The following RCOR1 variants were observed in gnomAD, a reference collection of about 807,000 sequenced individuals.
RCOR1 encodes REST corepressor.
RCOR1 carries 12 observed loss-of-function variants against 64.0 expected under a neutral mutation model. That is an observed-to-expected ratio of 0.19 (90% CI 0.12 to 0.30). The LOEUF is 0.30. RCOR1 is among the 10% of genes least tolerant of loss of function. RCOR1 has a pLI of 1.00. For synonymous variants in RCOR1, 279 were observed against 227.2 expected (o/e 1.23, Z -2.05); for missense variants, 502 against 621.2 (o/e 0.81, Z 2.04).
chr14:102,661,660 C>CG (rs1292114598), intron 2 of RCOR1, among the ~76,000 whole-genome samples: 1 of 152,184 alleles, frequency 6.6e-6, no homozygotes, highest in African/African-American at 2.4e-5. Flanking sequence ...CAGCGCAGGA[C>CG]GGGCATTTCT....
Position 102,726,477 on chromosome 14 carries a change from C to G in RCOR1, c.1429C>G (p.Leu477Val). 1 of 1,562,658 alleles carries G rather than the reference C, an allele frequency of 6.4e-7. No homozygotes were observed. Among genetic ancestry groups the G allele is most frequent in the African/African-American group, 1.4e-5 (1 of 69,700 alleles). The change falls in exon 12 of 12, where the codon CTG (leucine) becomes GTG (valine). Residue 477 changes from leucine (L) to valine (V), a missense_variant. Leu to Val is a conservative substitution (Grantham distance 32). This residue lies in a region of RCOR1 where 260 missense variants were observed against 416.4 expected (regional missense o/e 0.62). Coordinates refer to ENST00000262241, the MANE Select transcript of RCOR1 (RefSeq NM_015156.4). ...TTCCTCTTGGCCTCAGGCTCCTGTT[C>G]TGGATGTCAGATATGCATCTGCCTC... ...MPEEEDEAPVLDVRYASAS is the reference protein window; with the variant it reads ...MPEEEDEAPVVDVRYASAS
At position 102,729,228 on chromosome 14, in the gene RCOR1, A is replaced by G. The variant is rs1215824589; in HGVS notation, c.*2722A>G. The G allele has an allele frequency of 1.3e-5, 2 of 152,686 alleles. No individual in the cohort carries two copies. The highest frequency in any genetic ancestry group is 2.9e-5 in the Non-Finnish European group (2 of 68,036). The allele number at this position is 152,686 out of a possible 1,614,324, so 9.5% of individuals were successfully genotyped here. A position where few individuals can be genotyped will look rare whatever the true frequency, so the allele number is the denominator to read the frequency against. ...CTAAAAGATATAAATTGTATTGCAT[A>G]TGCATTAAAAGTTTGTTTTATTTAA... On this transcript the variant is annotated 3_prime_UTR_variant, in exon 12 of 12. Transcript: ENST00000262241.
At chr14:102,613,585 A>G (rs1893682595) in intron 2 of RCOR1, among the ~76,000 whole-genome samples, 2 of 151,676 alleles carry the variant, frequency 1.3e-5, no homozygotes. Flanking sequence ...GGCGCCCGCC[A>G]CTGCGCCCGG....
intron 3 of RCOR1, among the ~76,000 whole-genome samples, chr14:102,693,288 C>G (rs1434299323): frequency 6.6e-6 from 1 of 152,120 alleles, no homozygotes; most frequent in Non-Finnish European, 1.5e-5. Context: ...GTCAGACATG[C>G]GGGTTCCATA....
chr14:102,719,603 T>G (rs1045620331), intron 8 of RCOR1, among the ~76,000 whole-genome samples: 1 of 151,718 alleles, frequency 6.6e-6, no homozygotes. Context: ...GGCTGCATAG[T>G]ATTCCATGGT....
At chr14:102,675,237 A>G (rs974533508) in intron 2 of RCOR1, among the ~76,000 whole-genome samples, 1 of 152,114 alleles carries the variant, frequency 6.6e-6, no homozygotes, top group Non-Finnish European at 1.5e-5. Context: ...GTGTTAAGAC[A>G]TGTATACAAT....
intron 2 of RCOR1, among the ~76,000 whole-genome samples, chr14:102,653,927 C>CT (rs1567423179): frequency 4.6e-5 from 1 of 21,726 alleles, no homozygotes; most frequent in Admixed American, 5.3e-4. Context: ...TTCCTTCTTT[C>CT]TTTCTTTCTT....
At chr14:102,715,983 T>A (rs551645591) in intron 8 of RCOR1, among the ~76,000 whole-genome samples, 1 of 152,190 alleles carries the variant, frequency 6.6e-6, no homozygotes, top group Non-Finnish European at 1.5e-5. Context: ...AACAGAAATA[T>A]CCCTAGGCAT....
chr14:102,635,954 C>T (rs1894226660), intron 2 of RCOR1, among the ~76,000 whole-genome samples: 1 of 150,820 alleles, frequency 6.6e-6, no homozygotes, highest in African/African-American at 2.4e-5. Flanking sequence ...CTCCCTCCCT[C>T]CCTTCTGACA....
At chr14:102,691,270 C>T (rs1316994395) in intron 3 of RCOR1, among the ~76,000 whole-genome samples, 2 of 137,298 alleles carry the variant, frequency 1.5e-5, no homozygotes, top group Non-Finnish European at 3.2e-5. Flanking sequence ...GTGCACATGG[C>T]CATAAAGATG....
intron 4 of RCOR1, among the ~76,000 whole-genome samples, chr14:102,706,817 G>C (rs1895868337): frequency 6.6e-6 from 1 of 150,992 alleles, no homozygotes; most frequent in African/African-American, 2.4e-5. Flanking sequence ...TCCAGACCCT[G>C]TCTCAAATAA....
At chr14:102,611,956 G>T (rs868021991) in intron 2 of RCOR1, among the ~76,000 whole-genome samples, 2 of 152,104 alleles carry the variant, frequency 1.3e-5, no homozygotes, top group Admixed American at 1.3e-4. Flanking sequence ...TATAGCTGGG[G>T]CTATACCATG....
chr14:102,597,125 G>A (rs370565541), intron 2 of RCOR1, among the ~76,000 whole-genome samples: 4 of 151,620 alleles, frequency 2.6e-5, no homozygotes, highest in South Asian at 2.1e-4. Context: ...TGCCCCCCTC[G>A]GCCTCCCAAA....
At chr14:102,674,037 G>A (rs1414308935) in intron 2 of RCOR1, among the ~76,000 whole-genome samples, 1 of 152,170 alleles carries the variant, frequency 6.6e-6, no homozygotes, top group Non-Finnish European at 1.5e-5. Context: ...ATATGTATGG[G>A]TGTATCTATG....
At chr14:102,672,762 T>C (rs1314103992) in intron 2 of RCOR1, among the ~76,000 whole-genome samples, 3 of 152,152 alleles carry the variant, frequency 2.0e-5, no homozygotes, top group Non-Finnish European at 2.9e-5. Flanking sequence ...CAAGTGTTGG[T>C]GAGGATGTGT....
chr14:102,612,341 T>A (rs1893648673), intron 2 of RCOR1, among the ~76,000 whole-genome samples: 1 of 151,710 alleles, frequency 6.6e-6, no homozygotes, highest in Non-Finnish European at 1.5e-5. Context: ...GTAGCTGGGA[T>A]TACAGGTGCG....
At position 102,721,039 on chromosome 14, in the gene RCOR1, C is replaced by A; in HGVS notation, c.1086C>A (p.Leu362=). The change falls in exon 9 of 12, where the codon CTC becomes CTA. Residue 362 remains leucine (L), a synonymous_variant. Transcript: ENST00000262241. The part of the protein sequence containing the change: ...IQNIKQTNSA[L]KEKLDGGIEP... ...ATATTAAACAGACAAACAGTGCTCT[C>A]AAAGAAAAACTTGATGGTGGAATAG... 6.3e-7 allele frequency: 1 copy of A among 1,576,268 alleles called. No homozygotes were observed. The highest frequency in any genetic ancestry group is 1.2e-5 in the South Asian group (1 of 85,832).
chr14:102,607,562 T>C (rs942455619), intron 2 of RCOR1, among the ~76,000 whole-genome samples: 4 of 151,650 alleles, frequency 2.6e-5, no homozygotes, highest in African/African-American at 7.3e-5. Flanking sequence ...GCCAGGCCAA[T>C]ATGGTGAAAA....
At chr14:102,611,005 G>A (rs991453837) in intron 2 of RCOR1, among the ~76,000 whole-genome samples, 2 of 152,130 alleles carry the variant, frequency 1.3e-5, no homozygotes, top group Non-Finnish European at 2.9e-5. Context: ...TGCCAATAAG[G>A]TGTTCAAAAT....
Sources: allele counts gnomAD v4.1 joint callset (sites outside exome capture counted in the v4.1 genomes callset), GRCh38; gene constraint gnomAD v4.1.1; regional missense constraint gnomAD v4.1.1; transcripts MANE v1.5; gene names NCBI Gene and HGNC (gene_info 2026-07-23, HGNC 2026-07-21).